Variants in NAV1 observed in about 807,000 individuals in gnomAD.
NAV1 encodes neuron navigator 1.
In NAV1, 18 loss-of-function variants were observed where a neutral mutation model predicts 175.2. The observed-to-expected ratio is 0.10, with a 90% confidence interval of 0.07 to 0.15. The LOEUF (loss-of-function observed/expected upper bound fraction) is 0.15. Among genes scored for constraint, NAV1 ranks in the 10% least tolerant of loss-of-function variants. The pLI is 1.00. For synonymous variants in NAV1, 897 were observed against 978.7 expected (o/e 0.92, Z 1.56); for missense variants, 1,731 against 2,436.6 (o/e 0.71, Z 6.10).
intron 1 of NAV1, among the ~76,000 whole-genome samples, chr1:201,707,603 A>G (rs1671724198): frequency 6.6e-6 from 1 of 152,166 alleles, no homozygotes; most frequent in African/African-American, 2.4e-5. Context: ...CAATCTCTTG[A>G]TGAGCAATTT....
At chr1:201,712,839 G>A in exon 2 of NAV1, 8 of 1,613,852 alleles carry the variant, frequency 5.0e-6, no homozygotes, top group Non-Finnish European at 6.8e-6. Flanking sequence ...AGAGAAAGAG[G>A]ACAGTGCAGA....
At chr1:201,598,807 G>A (rs1362027498) in intron 2 of NAV1, among the ~76,000 whole-genome samples, 1 of 152,184 alleles carries the variant, frequency 6.6e-6, no homozygotes, top group African/African-American at 2.4e-5. Flanking sequence ...GTAGGGTCCC[G>A]GCCATGAGGA....
chr1:201,698,987 G>A (rs1390731889), intron 1 of NAV1, among the ~76,000 whole-genome samples: 5 of 152,172 alleles, frequency 3.3e-5, no homozygotes, highest in South Asian at 2.1e-4. Flanking sequence ...TTGAAAGTGC[G>A]CCAAAGGCAA....
chr1:201,549,123 CTTT>C (rs1665763461), intron 1 of NAV1, among the ~76,000 whole-genome samples: 1 of 148,266 alleles, frequency 6.7e-6, no homozygotes, highest in Admixed American at 6.8e-5. Context: ...TTCTTTCTTT[CTTT>C]CTTTCTTTCT....
chr1:201,616,075 C>A (rs1219809200), intron 2 of NAV1, among the ~76,000 whole-genome samples: 1 of 151,996 alleles, frequency 6.6e-6, no homozygotes, highest in Non-Finnish European at 1.5e-5. Flanking sequence ...ATGTGCCAGA[C>A]ACTGTTCTAA....
At chr1:201,655,409 C>T (rs1669363335) in intron 1 of NAV1, among the ~76,000 whole-genome samples, 1 of 152,250 alleles carries the variant, frequency 6.6e-6, no homozygotes, top group African/African-American at 2.4e-5. Context: ...GTTTGATGTC[C>T]CAGAGCCTGC....
Position 201,694,342 on chromosome 1 carries a change from T to C in NAV1, c.758-18475T>C, listed in dbSNP as rs1300353873. ...TCTTTGAAGGAGGGAAAGGAAGTGCTGAATGGAGCCAGGCAGCTGATTTCC... is the reference window on the plus strand; with the variant it reads ...TCTTTGAAGGAGGGAAAGGAAGTGCCGAATGGAGCCAGGCAGCTGATTTCC... On this transcript the variant is annotated intron_variant, in intron 1 of 29. Coordinates refer to ENST00000367296, the Ensembl canonical transcript of NAV1. The surrounding 1 kb of genome is among the most constrained non-coding windows in gnomAD (Gnocchi z 4.2). Among the ~76,000 whole-genome samples, 3 of 152,212 alleles carry C rather than the reference T, an allele frequency of 2.0e-5. No individual in the cohort carries two copies. Among genetic ancestry groups the C allele is most frequent in the Non-Finnish European group, 4.4e-5 (3 of 68,034 alleles).
intron 3 of NAV1, among the ~76,000 whole-genome samples, chr1:201,751,509 A>C (rs1367600006): frequency 2.0e-5 from 3 of 152,216 alleles, no homozygotes; most frequent in Admixed American, 2.0e-4. Flanking sequence ...ATTTTGTCTG[A>C]ATGGAAAGTG....
At chr1:201,643,042 G>A (rs2102319414) in intron 2 of NAV1, among the ~76,000 whole-genome samples, 1 of 151,916 alleles carries the variant, frequency 6.6e-6, no homozygotes, top group East Asian at 2.0e-4. Context: ...CCAAAGTGCT[G>A]GGATTACAGG....
Position 201,539,291 on chromosome 1 carries a change from G to T in NAV1, c.-195G>T, listed in dbSNP as rs1030993007. On this transcript the variant is annotated 5_prime_UTR_variant, in exon 1 of 34. Coordinates refer to the NAV1 transcript ENST00000685211. The surrounding 1 kb of genome is among the most constrained non-coding windows in gnomAD (Gnocchi z 5.6). ...ACCCGCGCTGCCCTTGGGGATGCGC[G>T]ACTCTGCGCGGCTGCGGCGCGGACC... is the stretch of plus-strand genomic sequence containing the variant. Among the ~76,000 whole-genome samples, 1 of 151,932 alleles carries T rather than the reference G, an allele frequency of 6.6e-6. No homozygotes were observed. The highest frequency in any genetic ancestry group is 1.9e-4 in the East Asian group (1 of 5,172).
At chr1:201,594,491 G>A (rs1323992757) in intron 2 of NAV1, among the ~76,000 whole-genome samples, 2 of 152,212 alleles carry the variant, frequency 1.3e-5, no homozygotes, top group South Asian at 2.1e-4. Flanking sequence ...AGCCAGAGGC[G>A]AAGCCGGGTT....
intron 1 of NAV1, among the ~76,000 whole-genome samples, chr1:201,698,326 C>G (rs1379972850): frequency 6.6e-6 from 1 of 152,246 alleles, no homozygotes; most frequent in African/African-American, 2.4e-5. Flanking sequence ...GATGCCTGAC[C>G]ACAGCTGCAC....
At position 201,652,800 on chromosome 1, in the gene NAV1, C is replaced by G. The variant is rs60013755; in HGVS notation, c.757+3375C>G. ...TGTATTAATACAGCGCAATAGAATA[C>G]AGATGCACCTCAATTTATGATGGGG... On this transcript the variant is annotated intron_variant, in intron 1 of 29. Coordinates refer to ENST00000367296, the Ensembl canonical transcript of NAV1. 9.7e-3 allele frequency among the ~76,000 whole-genome samples: 1,470 copies of G among 152,288 alleles called. 16 individuals carry two copies. Among genetic ancestry groups the G allele is most frequent in the African/African-American group, 0.033 (1,358 of 41,558 alleles).
chr1:201,764,840 C>T (rs1675095592), intron 3 of NAV1, among the ~76,000 whole-genome samples: 1 of 152,252 alleles, frequency 6.6e-6, no homozygotes, highest in Non-Finnish European at 1.5e-5. Flanking sequence ...GCATTCGGTT[C>T]TCCAGACCAG....
At position 201,648,622 on chromosome 1, in the gene NAV1, C is replaced by T. The variant is rs760048457; in HGVS notation, c.-47C>T. 4.7e-4 allele frequency: 610 copies of T among 1,291,902 alleles called. No homozygotes were observed. The highest frequency in any genetic ancestry group is 5.5e-4 in the Non-Finnish European group (565 of 1,025,314). 80.0% of individuals were successfully genotyped at this position (1,291,902 alleles called of 1,614,324 possible). On this transcript the variant is annotated 5_prime_UTR_variant, in exon 1 of 30. Transcript: ENST00000367296. ...CGCTCCCGCCCCCTGCCCCCTCCCC[C>T]CGTGCCTGCAGACGCGCGGATCGTC...
chr1:201,718,336 G>A lies in NAV1; in HGVS notation c.861-54G>A. The A allele has an allele frequency of 1.4e-6, 2 of 1,474,654 alleles. No individual in the cohort carries two copies. Among genetic ancestry groups the A allele is most frequent in the Non-Finnish European group, 1.8e-6 (2 of 1,111,562 alleles). The allele number at this position is 1,474,654 out of a possible 1,614,324, so 91.3% of individuals were successfully genotyped here. A position where few individuals can be genotyped will look rare whatever the true frequency, so the allele number is the denominator to read the frequency against. ...TTGCTGGGGTGCATGTGAGGGGACA[G>A]GGCACACGGCGGCTGTGCCAAGGAC... On this transcript the variant is annotated intron_variant, in intron 2 of 29. Transcript: ENST00000367296. This position sits in a 1 kb window ranked among gnomAD's most constrained non-coding sequence, Gnocchi z 4.8.
intron 2 of NAV1, among the ~76,000 whole-genome samples, chr1:201,602,405 G>A (rs887800662): frequency 9.9e-5 from 15 of 152,044 alleles, no homozygotes; most frequent in Non-Finnish European, 1.8e-4. Flanking sequence ...ACAGTGGCGC[G>A]GTCTCGGCTC....
At position 201,810,886 on chromosome 1, in the gene NAV1, G is replaced by A; in HGVS notation, c.4797+128G>A. ...TCTGCCTTCATCTTTCTTCTCTTCT[G>A]TGTTCATTTCCTTCCCTCTCTATCT... On this transcript the variant is annotated intron_variant, in intron 24 of 29. Transcript: ENST00000367296. The surrounding 1 kb of genome is among the most constrained non-coding windows in gnomAD (Gnocchi z 6.0). 1 of 687,494 alleles carries A rather than the reference G, an allele frequency of 1.5e-6. No individual in the cohort carries two copies. The highest frequency in any genetic ancestry group is 2.5e-6 in the Non-Finnish European group (1 of 405,982). 42.6% of individuals were successfully genotyped at this position (687,494 alleles called of 1,614,324 possible).
chr1:201,606,468 G>A (rs1452565418), intron 2 of NAV1, among the ~76,000 whole-genome samples: 2 of 152,146 alleles, frequency 1.3e-5, no homozygotes, highest in Non-Finnish European at 2.9e-5. Context: ...CTAAGGCCAC[G>A]GGTCATCTTG....
Sources: allele counts gnomAD v4.1 joint callset (sites outside exome capture counted in the v4.1 genomes callset), GRCh38; gene constraint gnomAD v4.1.1; non-coding constraint Gnocchi (gnomAD v3.1); transcripts MANE v1.5; gene names NCBI Gene and HGNC (gene_info 2026-07-23, HGNC 2026-07-21).